The following LRRC37A2 variants were observed in gnomAD, a reference collection of about 807,000 sequenced individuals.
The protein encoded by LRRC37A2 is leucine rich repeat containing 37 member A2, also known as leucine-rich repeat-containing protein 37A2.
A neutral mutation model predicts 68.8 loss-of-function variants in LRRC37A2; 9 were observed. The observed-to-expected ratio is 0.13, with a 90% CI of 0.08 to 0.23. The LOEUF is 0.23. LRRC37A2 is among the 10% of genes least tolerant of loss of function. The probability of loss-of-function intolerance (pLI) is 1.00; values close to 1 mark genes in which losing one functional copy is unlikely to be tolerated. For missense variants in LRRC37A2, 168 were observed against 950.4 expected, an observed-to-expected ratio of 0.18 and a Z score of 10.82; for synonymous variants, 63 against 367.6, an observed-to-expected ratio of 0.17 and a Z score of 9.48.
At chr17:46,791,279 T>C in the LRRC37A2 span, among the ~76,000 whole-genome samples, 1 of 151,948 alleles carries the variant, frequency 6.6e-6, no homozygotes, top group African/African-American at 2.4e-5. Context: ...AGTGGCGTGA[T>C]CTCAGCTCAC....
the LRRC37A2 span, among the ~76,000 whole-genome samples, chr17:46,712,147 G>A: frequency 1.3e-5 from 2 of 152,156 alleles, 1 homozygote; most frequent in South Asian, 4.1e-4. Flanking sequence ...AATGAGAGTC[G>A]ATTGTGGTTT....
chr17:46,887,428 A>G, the LRRC37A2 span, among the ~76,000 whole-genome samples: 1 of 130,754 alleles, frequency 7.6e-6, no homozygotes, highest in Non-Finnish European at 1.6e-5. Context: ...AGCCTCATTC[A>G]TTAAAAAAAA....
the LRRC37A2 span, chr17:47,019,591 G>T: frequency 6.9e-7 from 1 of 1,444,382 alleles, no homozygotes; most frequent in Non-Finnish European, 9.7e-7. Flanking sequence ...CTAGAACCTA[G>T]TCAGGATTCA....
the LRRC37A2 span, among the ~76,000 whole-genome samples, chr17:46,917,782 A>C: frequency 8.5e-5 from 13 of 152,366 alleles, no homozygotes; most frequent in Admixed American, 3.3e-4. Flanking sequence ...GGGCAAAGAA[A>C]GCTACATAGG....
chr17:46,760,733 A>C, the LRRC37A2 span, among the ~76,000 whole-genome samples: 7 of 152,308 alleles, frequency 4.6e-5, no homozygotes, highest in South Asian at 1.5e-3. Flanking sequence ...CAAAATCTGA[A>C]ATGCTCTAAA....
the LRRC37A2 span, among the ~76,000 whole-genome samples, chr17:46,496,475 C>T: frequency 6.1e-5 from 9 of 148,004 alleles, 1 homozygote; most frequent in African/African-American, 2.3e-4. Context: ...TGGTGGCACA[C>T]GTCTGTAGTC....
At chr17:46,994,506 C>G in the LRRC37A2 span, among the ~76,000 whole-genome samples, 1 of 152,070 alleles carries the variant, frequency 6.6e-6, no homozygotes, top group East Asian at 1.9e-4. Flanking sequence ...AGTTCTTGAT[C>G]TGGGTGCTAG....
the LRRC37A2 span, chr17:46,923,922 T>G: frequency 1.0e-5 from 4 of 398,594 alleles, no homozygotes; most frequent in Non-Finnish European, 1.8e-5. Context: ...GGCAGAATTA[T>G]GATTTTTACC....
At chr17:46,630,997 A>G in the LRRC37A2 span, among the ~76,000 whole-genome samples, 18,269 of 136,936 alleles carry the variant, frequency 0.13, 3 homozygotes, top group Non-Finnish European at 0.19. Flanking sequence ...AGCTTTACCA[A>G]TTGTCATATT....
At chr17:46,878,161 G>A in the LRRC37A2 span, among the ~76,000 whole-genome samples, 1,426 of 152,360 alleles carry the variant, frequency 9.4e-3, 31 homozygotes, top group African/African-American at 0.033. Flanking sequence ...AGTGGGGCCC[G>A]ATGCCACCCA....
At chr17:46,980,112 A>AC in the LRRC37A2 span, among the ~76,000 whole-genome samples, 35 of 136,448 alleles carry the variant, frequency 2.6e-4, no homozygotes, top group African/African-American at 7.4e-4. Context: ...CCCGCCCCCA[A>AC]CCTCCCCACC....
At chr17:46,991,987 G>A in the LRRC37A2 span, among the ~76,000 whole-genome samples, 1 of 152,166 alleles carries the variant, frequency 6.6e-6, no homozygotes, top group African/African-American at 2.4e-5. Flanking sequence ...ATAAAAATTG[G>A]AACCAAGCTA....
the LRRC37A2 span, among the ~76,000 whole-genome samples, chr17:46,779,104 C>CCCCCCAG: frequency 7.6e-6 from 1 of 130,832 alleles, no homozygotes; most frequent in Non-Finnish European, 1.5e-5. Context: ...CACACACACA[C>CCCCCCAG]CCCAGCCCAC....
chr17:47,029,577 G>A, the LRRC37A2 span, among the ~76,000 whole-genome samples: 1 of 152,194 alleles, frequency 6.6e-6, no homozygotes, highest in East Asian at 1.9e-4. Flanking sequence ...AGCAGTTTCT[G>A]CACATGCTCC....
chr17:46,665,994 C>A, the LRRC37A2 span, among the ~76,000 whole-genome samples: 3 of 142,234 alleles, frequency 2.1e-5, no homozygotes, highest in African/African-American at 7.6e-5. Context: ...AGAAATAGCC[C>A]CAGTTCCTTT....
chr17:46,533,879 T>C (rs1402651604), intron 6 of LRRC37A2, among the ~76,000 whole-genome samples: 2 of 103,030 alleles, frequency 1.9e-5, no homozygotes, highest in Non-Finnish European at 3.6e-5. Flanking sequence ...AGTCTCTCAG[T>C]TTTTATTTAT....
chr17:46,497,683 A>G, the LRRC37A2 span, among the ~76,000 whole-genome samples: 1 of 149,874 alleles, frequency 6.7e-6, no homozygotes, highest in East Asian at 2.0e-4. Context: ...TTATATCTAC[A>G]TGCATACATT....
At chr17:46,839,944 CT>C in the LRRC37A2 span, among the ~76,000 whole-genome samples, 9 of 148,868 alleles carry the variant, frequency 6.0e-5, no homozygotes, top group African/African-American at 2.2e-4. Flanking sequence ...TTCTTTCTTT[CT>C]TTCTTTCTTT....
the LRRC37A2 span, among the ~76,000 whole-genome samples, chr17:46,881,710 A>G: frequency 4.6e-5 from 7 of 152,148 alleles, no homozygotes; most frequent in Non-Finnish European, 8.8e-5. Context: ...GCTTGTTGAG[A>G]CAGTCACTAG....
Sources: allele counts gnomAD v4.1 joint callset (sites outside exome capture counted in the v4.1 genomes callset), GRCh38; gene constraint gnomAD v4.1.1; transcripts MANE v1.5; gene names NCBI Gene and HGNC (gene_info 2026-07-23, HGNC 2026-07-21).